The following GRID1 variants were observed in gnomAD, a reference collection of about 807,000 sequenced individuals.
The protein encoded by GRID1 is glutamate receptor ionotropic, delta-1.
Under a neutral mutation model 98.0 loss-of-function variants are expected in GRID1, and 28 were observed. The ratio of observed to expected loss-of-function variants is 0.29; its 90% CI spans 0.21 to 0.39. The LOEUF (loss-of-function observed/expected upper bound fraction) is 0.39. Ranked by LOEUF, GRID1 falls within the 10% of genes least tolerant of loss-of-function variation. The probability of loss-of-function intolerance (pLI) is 1.00; values close to 1 mark genes in which losing one functional copy is unlikely to be tolerated. For missense variants in GRID1, 1,111 were observed against 1,340.5 expected (o/e 0.83, Z 2.67); for synonymous variants, 553 against 538.5 (o/e 1.03, Z -0.37).
intron 4 of GRID1, among the ~76,000 whole-genome samples, chr10:86,120,839 A>G (rs1184080154): frequency 6.6e-6 from 1 of 152,046 alleles, no homozygotes; most frequent in African/African-American, 2.4e-5. Flanking sequence ...TCGTGGGGGG[A>G]GTGATGCCAA....
At chr10:85,676,136 A>G (rs979433890) in intron 12 of GRID1, among the ~76,000 whole-genome samples, 12 of 152,100 alleles carry the variant, frequency 7.9e-5, no homozygotes, top group Non-Finnish European at 1.6e-4. Flanking sequence ...GGTCAACCAG[A>G]CCTGTAGTGG....
At chr10:86,176,762 C>T (rs192901900) in intron 3 of GRID1, among the ~76,000 whole-genome samples, 178 of 152,248 alleles carry the variant, frequency 1.2e-3, no homozygotes, top group African/African-American at 4.1e-3. Flanking sequence ...GACAGAAAGC[C>T]TTGATAGGTC....
At chr10:85,652,789 G>A (rs1306164554) in intron 12 of GRID1, among the ~76,000 whole-genome samples, 2 of 152,118 alleles carry the variant, frequency 1.3e-5, no homozygotes, top group Admixed American at 1.3e-4. Context: ...TGTCACCCAT[G>A]CAGGGGAAGG....
In GRID1 at chr10:85,602,306, C is replaced by T; in HGVS notation, c.2997G>A (p.Glu999=). The T allele has an allele frequency of 1.9e-6, 3 of 1,543,538 alleles. No homozygotes were observed. The highest frequency in any genetic ancestry group is 2.6e-6 in the Non-Finnish European group (3 of 1,144,172). ...FQPVPGGVLP[E]ALDTSHGTSI is the part of the protein sequence containing the mutation. ...AGGTCCCGTGGGAGGTGTCCAGAGC[C>T]TCTGGAAGGACGCCTCCAGGCACGG... Residue 999 remains glutamate (E), a synonymous_variant, in exon 16 of 16, where the codon GAG becomes GAA. Coordinates refer to ENST00000327946, the MANE Select transcript of GRID1 (RefSeq NM_017551.3).
chr10:86,016,235 C>T (rs1842978343), intron 4 of GRID1, among the ~76,000 whole-genome samples: 1 of 151,100 alleles, frequency 6.6e-6, no homozygotes, highest in African/African-American at 2.4e-5. Flanking sequence ...CAAGCTCTGC[C>T]TCCTGGGTTC....
chr10:85,889,809 A>T (rs1589288995), intron 5 of GRID1, among the ~76,000 whole-genome samples: 1 of 152,322 alleles, frequency 6.6e-6, no homozygotes, highest in Non-Finnish European at 1.5e-5. Context: ...CAGTGTGTTA[A>T]GATTCCCTTT....
intron 2 of GRID1, among the ~76,000 whole-genome samples, chr10:86,239,074 C>T (rs1846585437): frequency 6.6e-6 from 1 of 152,240 alleles, no homozygotes; most frequent in Admixed American, 6.5e-5. Flanking sequence ...AACACTCCAT[C>T]CTCCAGAGCT....
intron 2 of GRID1, among the ~76,000 whole-genome samples, chr10:86,354,766 C>T (rs1316719411): frequency 6.6e-6 from 1 of 152,218 alleles, no homozygotes; most frequent in Non-Finnish European, 1.5e-5. Flanking sequence ...ACTCTATGCA[C>T]TCAGAGCAGA....
At chr10:86,103,847 G>T (rs1844338211) in intron 4 of GRID1, among the ~76,000 whole-genome samples, 1 of 152,130 alleles carries the variant, frequency 6.6e-6, no homozygotes, top group African/African-American at 2.4e-5. Flanking sequence ...CCACTGTTGG[G>T]CTGAACCCTG....
chr10:85,829,041 T>C (rs564867793), intron 8 of GRID1, among the ~76,000 whole-genome samples: 2 of 152,186 alleles, frequency 1.3e-5, no homozygotes, highest in African/African-American at 4.8e-5. Context: ...TTGATGAACA[T>C]AGATGCAAAA....
chr10:86,274,651 G>T (rs1413203510), intron 2 of GRID1, among the ~76,000 whole-genome samples: 1 of 151,886 alleles, frequency 6.6e-6, no homozygotes. Context: ...AGATTCCTAG[G>T]TATTTTATTC....
chr10:86,126,328 G>A (rs528621109), intron 4 of GRID1, among the ~76,000 whole-genome samples: 84 of 152,300 alleles, frequency 5.5e-4, no homozygotes, highest in African/African-American at 1.7e-3. Context: ...GGTGGCACGC[G>A]CCTGTAATCC....
At chr10:86,129,896 G>A (rs1343143942) in intron 4 of GRID1, among the ~76,000 whole-genome samples, 1 of 152,212 alleles carries the variant, frequency 6.6e-6, no homozygotes, top group Non-Finnish European at 1.5e-5. Flanking sequence ...GGCTTGCTCT[G>A]GACAAGAGAT....
chr10:86,286,166 T>C lies in GRID1; in HGVS notation c.235+77775A>G, dbSNP rs145418367. ...GGTAGAGAGAGGTATAGATGAGGCA[T>C]AGATATAGGTGCATAGGTATATAGA... On this transcript the variant is annotated intron_variant, in intron 2 of 15. Transcript: ENST00000327946. 2.2e-3 allele frequency among the ~76,000 whole-genome samples: 339 copies of C among 152,208 alleles called. 2 individuals carry two copies. The highest frequency in any genetic ancestry group is 3.9e-3 in the Non-Finnish European group (263 of 67,996).
At chr10:85,874,638 T>A (rs1420622424) in intron 5 of GRID1, among the ~76,000 whole-genome samples, 1 of 152,180 alleles carries the variant, frequency 6.6e-6, no homozygotes, top group Non-Finnish European at 1.5e-5. Context: ...CGTTCAGGAA[T>A]GTTTGTTAGA....
intron 2 of GRID1, among the ~76,000 whole-genome samples, chr10:86,219,093 C>A (rs1444563044): frequency 1.3e-5 from 2 of 152,256 alleles, no homozygotes; most frequent in Non-Finnish European, 2.9e-5. Flanking sequence ...CTCACTCCCT[C>A]TACAACTGCC....
chr10:86,366,196 G>A lies in GRID1; in HGVS notation c.79+118C>T, dbSNP rs1422772888. ...GCCGGGCGGCGCGGCGCGGCCCTTCGGGGGAGCACCGCCCGCCGAGCCCCT... is the reference window on the plus strand; with the variant it reads ...GCCGGGCGGCGCGGCGCGGCCCTTCAGGGGAGCACCGCCCGCCGAGCCCCT... On this transcript the variant is annotated intron_variant, in intron 1 of 15. Transcript: ENST00000327946. The surrounding 1 kb of genome is among the most constrained non-coding windows in gnomAD (Gnocchi z 4.1). 7.4e-6 allele frequency: 4 copies of A among 541,684 alleles called. No individual in the cohort carries two copies. Among genetic ancestry groups the A allele is most frequent in the Admixed American group, 4.6e-5 (1 of 21,622 alleles). The allele number at this position is 541,684 out of a possible 1,614,324, so 33.6% of individuals were successfully genotyped here.
chr10:85,879,784 A>C (rs1840971117), intron 5 of GRID1, among the ~76,000 whole-genome samples: 1 of 152,222 alleles, frequency 6.6e-6, no homozygotes, highest in East Asian at 1.9e-4. Flanking sequence ...AGCAGAACTG[A>C]AGGAAATAGA....
intron 12 of GRID1, among the ~76,000 whole-genome samples, chr10:85,656,048 C>T (rs1443409245): frequency 1.3e-5 from 2 of 152,068 alleles, no homozygotes; most frequent in African/African-American, 4.8e-5. Context: ...AGCTCTTCTT[C>T]CGGAGAGTTA....
Sources: allele counts gnomAD v4.1 joint callset (sites outside exome capture counted in the v4.1 genomes callset), GRCh38; gene constraint gnomAD v4.1.1; non-coding constraint Gnocchi (gnomAD v3.1); transcripts MANE v1.5; gene names NCBI Gene and HGNC (gene_info 2026-07-23, HGNC 2026-07-21).